CNTNAP5: variants seen among roughly 807,000 people sequenced by gnomAD.
The protein encoded by CNTNAP5 is contactin associated protein family member 5, also known as contactin-associated protein-like 5.
In CNTNAP5, 72 loss-of-function variants were observed where a neutral mutation model predicts 150.2. The ratio of observed to expected loss-of-function variants is 0.48; its 90% CI spans 0.40 to 0.58. CNTNAP5 has a LOEUF of 0.58. CNTNAP5 is among the 20% of genes least tolerant of loss of function. The pLI, the probability that CNTNAP5 is intolerant of heterozygous loss-of-function variation, is 0.00. For synonymous variants in CNTNAP5, 672 were observed against 619.8 expected, an observed-to-expected ratio of 1.08 and a Z score of -1.25; for missense variants, 1,636 against 1,626.2, an observed-to-expected ratio of 1.01 and a Z score of -0.10.
At chr2:124,628,468 G>A (rs1424840872) in intron 12 of CNTNAP5, among the ~76,000 whole-genome samples, 1 of 152,060 alleles carries the variant, frequency 6.6e-6, no homozygotes. Context: ...CCAAACTAAG[G>A]TTTATGAGCA....
chr2:124,069,559 A>G (rs1682249447), intron 1 of CNTNAP5, among the ~76,000 whole-genome samples: 2 of 152,128 alleles, frequency 1.3e-5, no homozygotes, highest in African/African-American at 4.8e-5. Flanking sequence ...TGCTGGCTTC[A>G]GGTCTGAACC....
chr2:124,204,066 A>G (rs1211867717), intron 1 of CNTNAP5, among the ~76,000 whole-genome samples: 3 of 152,140 alleles, frequency 2.0e-5, no homozygotes, highest in African/African-American at 7.2e-5. Context: ...TCCAATTCCA[A>G]ATCATATCTT....
rs150707592 is a variant in CNTNAP5 at position 124,033,020 on chromosome 2, A to G, written c.82+7288A>G. Among the ~76,000 whole-genome samples, 17 of 152,292 alleles carry G rather than the reference A, an allele frequency of 1.1e-4. No individual in the cohort carries two copies. In the East Asian group the frequency reaches 3.3e-3, roughly 29 times the overall value. ...GGATAAACCAGGGATCATTACTGCT[A>G]TCAGGGGCTGCTCAGTGGAAAGAGA... On this transcript the variant is annotated intron_variant, in intron 1 of 23. Coordinates refer to ENST00000682447, the MANE Select transcript of CNTNAP5 (RefSeq NM_001367498.1).
At chr2:124,152,379 C>T (rs1573794612) in intron 1 of CNTNAP5, among the ~76,000 whole-genome samples, 1 of 152,128 alleles carries the variant, frequency 6.6e-6, no homozygotes, top group Non-Finnish European at 1.5e-5. Context: ...CCGGATTTTG[C>T]AAATGAGAAA....
chr2:124,070,396 G>A (rs1414324159), intron 1 of CNTNAP5, among the ~76,000 whole-genome samples: 11 of 72,964 alleles, frequency 1.5e-4, no homozygotes, highest in East Asian at 9.0e-4. Flanking sequence ...GCTGAATGGG[G>A]AAAAAAAAAA....
chr2:124,308,661 C>A (rs1688748227), intron 3 of CNTNAP5, among the ~76,000 whole-genome samples: 1 of 152,140 alleles, frequency 6.6e-6, no homozygotes, highest in South Asian at 2.1e-4. Flanking sequence ...GCCTCTTGAA[C>A]TGTAGATTTA....
chr2:124,122,988 T>A (rs147884178), intron 1 of CNTNAP5, among the ~76,000 whole-genome samples: 4,526 of 152,064 alleles, frequency 0.03, 219 homozygotes, highest in African/African-American at 0.1. Flanking sequence ...AGTCTACAGC[T>A]CCCAGCGTGA....
chr2:124,320,430 G>A (rs1689070995), intron 3 of CNTNAP5, among the ~76,000 whole-genome samples: 1 of 152,200 alleles, frequency 6.6e-6, no homozygotes, highest in Non-Finnish European at 1.5e-5. Flanking sequence ...TGAATAAAGT[G>A]TCTAACTGAA....
rs570910865 is a variant in CNTNAP5, at chr2:124,732,012, C to T, written c.2078-15217C>T. ...TTGGGTGAAAATTTATTCTTTTACTCGGAGCAAGTTTAGTTTTTCATCTTA... is the reference window on the plus strand; with the variant it reads ...TTGGGTGAAAATTTATTCTTTTACTTGGAGCAAGTTTAGTTTTTCATCTTA... On this transcript the variant is annotated intron_variant, in intron 13 of 23. Coordinates refer to ENST00000682447, the MANE Select transcript of CNTNAP5 (RefSeq NM_001367498.1). Among the ~76,000 whole-genome samples the T allele has an allele frequency of 3.9e-5, 6 of 152,118 alleles. No homozygotes were observed. In the East Asian group the frequency reaches 5.8e-4, roughly 15 times the overall value.
chr2:124,200,527 T>A (rs1685702263), intron 1 of CNTNAP5, among the ~76,000 whole-genome samples: 1 of 152,006 alleles, frequency 6.6e-6, no homozygotes, highest in Admixed American at 6.5e-5. Context: ...TTTTGAATTG[T>A]GGTAAAAAAA....
intron 11 of CNTNAP5, among the ~76,000 whole-genome samples, chr2:124,604,669 C>A (rs370154505): frequency 6.6e-6 from 1 of 152,238 alleles, no homozygotes; most frequent in East Asian, 1.9e-4. Flanking sequence ...CACCTACAAG[C>A]TGGTTTGTCT....
chr2:124,704,042 A>G (rs1679580974), intron 13 of CNTNAP5, among the ~76,000 whole-genome samples: 2 of 152,192 alleles, frequency 1.3e-5, no homozygotes, highest in Admixed American at 6.5e-5. Context: ...AGCATTGCCT[A>G]TTAGGCTTTT....
rs149333176 is a variant in CNTNAP5 at position 124,850,729 on chromosome 2, C to A, written c.3218-14577C>A. Among the ~76,000 whole-genome samples the A allele has an allele frequency of 5.1e-3, 777 of 152,110 alleles. 14 individuals are homozygous for A. Among genetic ancestry groups the A allele is most frequent in the African/African-American group, 0.018 (726 of 41,480 alleles). ...AGAAAGCAAGGTGACATCGAGAAAT[C>A]AGCATGGAGAGAGAGAATGAATGAC... On this transcript the variant is annotated intron_variant, in intron 19 of 23. Transcript: ENST00000682447.
intron 14 of CNTNAP5, among the ~76,000 whole-genome samples, chr2:124,757,497 C>G (rs72847340): frequency 0.12 from 18,333 of 152,156 alleles, 1,290 homozygotes; most frequent in Non-Finnish European, 0.16. Context: ...GTGGGAGACC[C>G]GTGTTGGAGC....
intron 3 of CNTNAP5, among the ~76,000 whole-genome samples, chr2:124,314,959 A>G (rs1349006498): frequency 1.3e-5 from 2 of 151,420 alleles, no homozygotes; most frequent in Admixed American, 6.6e-5. Flanking sequence ...ATGCATAAGT[A>G]TATAATGCAT....
At chr2:124,048,404 C>G (rs147003944) in intron 1 of CNTNAP5, among the ~76,000 whole-genome samples, 173 of 152,280 alleles carry the variant, frequency 1.1e-3, no homozygotes, top group African/African-American at 3.9e-3. Flanking sequence ...TTGCTCTTTC[C>G]TTTGCGTCTC....
At chr2:124,648,077 G>A (rs770410030) in intron 13 of CNTNAP5, 119 bp downstream of exon 13, 20 of 840,028 alleles carry the variant, frequency 2.4e-5, no homozygotes, top group Admixed American at 1.4e-4. Context: ...CTGTGCACTC[G>A]AGAGAAACAC....
chr2:124,797,182 C>A (rs549884211), intron 18 of CNTNAP5, among the ~76,000 whole-genome samples: 156 of 152,272 alleles, frequency 1.0e-3, no homozygotes, highest in African/African-American at 3.7e-3. Flanking sequence ...AGTTCATTAT[C>A]TTGCCTGGGA....
chr2:124,479,186 G>A (rs1267747095), intron 7 of CNTNAP5, among the ~76,000 whole-genome samples: 1 of 152,092 alleles, frequency 6.6e-6, no homozygotes, highest in Non-Finnish European at 1.5e-5. Flanking sequence ...CAATCAGAAA[G>A]CAAATGGCCC....
Sources: allele counts gnomAD v4.1 joint callset (sites outside exome capture counted in the v4.1 genomes callset), GRCh38; gene constraint gnomAD v4.1.1; transcripts MANE v1.5; gene names NCBI Gene and HGNC (gene_info 2026-07-23, HGNC 2026-07-21).